The following OVOL1 variants were observed in gnomAD, a reference collection of about 807,000 sequenced individuals.
OVOL1 encodes ovo like transcriptional repressor 1, also known as putative transcription factor Ovo-like 1.
Under a neutral mutation model 21.5 loss-of-function variants are expected in OVOL1, and 10 were observed. The observed-to-expected ratio is 0.46, with a 90% CI of 0.29 to 0.79. The LOEUF (loss-of-function observed/expected upper bound fraction) is 0.79. Ranked by LOEUF, OVOL1 falls within the 30% of genes least tolerant of loss-of-function variation. OVOL1 has a pLI of 0.10. For missense variants in OVOL1, 279 were observed against 362.3 expected (o/e 0.77, Z 1.87); for synonymous variants, 129 against 150.3 (o/e 0.86, Z 1.03).
intron 1 of OVOL1, chr11:65,788,786 C>A: frequency 2.0e-6 from 2 of 985,470 alleles, no homozygotes; most frequent in Non-Finnish European, 2.4e-6. Flanking sequence ...CCCTGGTAAC[C>A]CCAGTGGGGA....
intron 1 of OVOL1, chr11:65,789,475 A>AT (rs1415673818): frequency 1.3e-5 from 2 of 157,802 alleles, no homozygotes; most frequent in Non-Finnish European, 2.7e-5. Flanking sequence ...AGAGAACTTA[A>AT]TTTTACCTCT....
intron 1 of OVOL1, chr11:65,788,893 C>T: frequency 2.0e-6 from 2 of 985,464 alleles, no homozygotes; most frequent in Non-Finnish European, 2.4e-6. Context: ...TGGCCACACT[C>T]CCTGGTGAGC....
Position 65,795,325 on chromosome 11 carries a change from G to C in OVOL1, c.788G>C (p.Gly263Ala). ...AACACTGTCACTTCCCTGCTGCAGG[G>C]CAGCCCCCACCTGTGAGTGGCTCGA... The part of the protein sequence containing the change: ...LQNTVTSLLQ[G>A]SPHL Residue 263 changes from glycine (G) to alanine (A), a missense_variant, in exon 4 of 4, where the codon GGC becomes GCC. Coordinates refer to ENST00000335987, the MANE Select transcript of OVOL1 (RefSeq NM_004561.4). This position sits in a 1 kb window ranked among gnomAD's most constrained non-coding sequence, Gnocchi z 5.7. 1 of 1,603,420 alleles carries C rather than the reference G, an allele frequency of 6.2e-7. No individual in the cohort carries two copies. The highest frequency in any genetic ancestry group is 8.5e-7 in the Non-Finnish European group (1 of 1,176,258).
chr11:65,793,886 C>T (rs1858072465), intron 1 of OVOL1, 145 bp from the exon 2 acceptor site: 7 of 639,952 alleles, frequency 1.1e-5, no homozygotes, highest in South Asian at 1.9e-5. Flanking sequence ...CAGTGGTGGT[C>T]GGGGCAGCCC....
At chr11:65,793,960 G>T in intron 1 of OVOL1, 71 bp from the exon 2 acceptor site, 1 of 1,263,662 alleles carries the variant, frequency 7.9e-7, no homozygotes, top group South Asian at 1.2e-5. Flanking sequence ...CTCATGGCTA[G>T]GGAAGTTTCC....
At chr11:65,790,128 G>A (rs1857985885) in intron 1 of OVOL1, 1 of 146,662 alleles carries the variant, frequency 6.8e-6, no homozygotes, top group Non-Finnish European at 1.5e-5. Flanking sequence ...GGTTCCTTGA[G>A]GATAAACCTA....
At chr11:65,791,965 G>C (rs537244028) in intron 1 of OVOL1, among the ~76,000 whole-genome samples, 1 of 152,246 alleles carries the variant, frequency 6.6e-6, no homozygotes, top group African/African-American at 2.4e-5. Context: ...ACACGCTCAT[G>C]GGGGTGGCAG....
At chr11:65,794,352 G>A (rs1324429553) in intron 2 of OVOL1, 104 bp downstream of exon 2, 6 of 1,208,950 alleles carry the variant, frequency 5.0e-6, no homozygotes, top group Non-Finnish European at 5.9e-6. Flanking sequence ...GACTGACCTG[G>A]GACCTGGGCC....
intron 1 of OVOL1, chr11:65,789,250 C>G (rs603326): frequency 0.33 from 76,295 of 232,398 alleles, 13,235 homozygotes; most frequent in African/African-American, 0.41. Flanking sequence ...GCAGGGGAGA[C>G]GTATGCCCCA....
rs1858133198 is a variant in OVOL1 at position 65,796,376 on chromosome 11, G to C, written c.*1035G>C. 1 of 152,466 alleles carries C rather than the reference G, an allele frequency of 6.6e-6. No homozygotes were observed. Among genetic ancestry groups the C allele is most frequent in the African/African-American group, 2.4e-5 (1 of 41,462 alleles). 9.4% of individuals were successfully genotyped at this position (152,466 alleles called of 1,614,324 possible). ...ACCCGGAGAGCTGGCCTGATGCTGA[G>C]AGTGTGTCCTCCTGGGGCTTTAGGG... On this transcript the variant is annotated 3_prime_UTR_variant, in exon 4 of 4. Transcript: ENST00000335987.
chr11:65,790,801 C>G (rs1858000571), intron 1 of OVOL1: 1 of 152,342 alleles, frequency 6.6e-6, no homozygotes, highest in African/African-American at 2.4e-5. Flanking sequence ...GCTAGGCTGT[C>G]TGTGCTGAGC....
intron 1 of OVOL1, chr11:65,789,131 A>G (rs1420917143): frequency 1.1e-6 from 1 of 887,578 alleles, no homozygotes; most frequent in African/African-American, 1.8e-5. Flanking sequence ...GTAACAGATC[A>G]TGTGTTGATT....
intron 1 of OVOL1, chr11:65,789,957 C>T (rs1011195698): frequency 6.6e-6 from 1 of 152,406 alleles, no homozygotes; most frequent in South Asian, 2.1e-4. Flanking sequence ...GAATCTTTCC[C>T]CTGGGAAGAG....
rs568424650 is a variant in OVOL1 at position 65,793,634 on chromosome 11, G to C, written c.101-397G>C. The C allele has an allele frequency of 5.7e-4, 149 of 262,470 alleles. 1 individual carries two copies. In the South Asian group the frequency reaches 6.4e-3, roughly 11 times the overall value. 16.3% of individuals were successfully genotyped at this position (262,470 alleles called of 1,614,324 possible). Reference sequence around the variant, plus strand: ...AGACCACCAGGGACCCTTCTGATGAGGCTCCAAGAGCTGTCCCTGGGCAGA... The same window carrying C: ...AGACCACCAGGGACCCTTCTGATGACGCTCCAAGAGCTGTCCCTGGGCAGA... On this transcript the variant is annotated intron_variant, in intron 1 of 3. Transcript: ENST00000335987.
intron 2 of OVOL1, 64 bp downstream of exon 2, chr11:65,794,312 G>A: frequency 7.0e-7 from 1 of 1,433,988 alleles, no homozygotes; most frequent in Non-Finnish European, 9.7e-7. Context: ...TCCAGCTCAT[G>A]AGACATGGCA....
intron 1 of OVOL1, among the ~76,000 whole-genome samples, chr11:65,791,176 G>A (rs1368067052): frequency 6.6e-6 from 1 of 152,240 alleles, no homozygotes; most frequent in Admixed American, 6.5e-5. Flanking sequence ...GAAACAGAAG[G>A]CCAAGAGACT....
chr11:65,796,979 C>G lies in OVOL1; in HGVS notation c.*1638C>G, dbSNP rs1046682060. On this transcript the variant is annotated 3_prime_UTR_variant, in exon 4 of 4. Transcript: ENST00000335987. ...GAGGAAGGCTCCTTCCTGGACTGCCCTCTGAAATGTGTATAGATTGATTCT... is the reference window on the plus strand; with the variant it reads ...GAGGAAGGCTCCTTCCTGGACTGCCGTCTGAAATGTGTATAGATTGATTCT... 6.6e-6 allele frequency: 1 copy of G among 152,250 alleles called. No individual in the cohort carries two copies. Among genetic ancestry groups the G allele is most frequent in the African/African-American group, 2.4e-5 (1 of 41,454 alleles). 9.4% of individuals were successfully genotyped at this position (152,250 alleles called of 1,614,324 possible).
Position 65,795,137 on chromosome 11 carries a change from G to T in OVOL1, c.600G>T (p.Gln200His). ...ACCTCAAGAAGATCCATGGTGTGCA[G>T]CAGAAGTACGCGTACAAGGAGCGGC... is the stretch of plus-strand genomic sequence containing the variant. Reference protein sequence around the residue: ...ESHLKKIHGVQQKYAYKERRA... With the variant: ...ESHLKKIHGVHQKYAYKERRA... The change falls in exon 4 of 4, where the codon CAG becomes CAT. Residue 200 changes from glutamine (Q) to histidine (H), a missense_variant. By Grantham distance (24) the Gln-to-His change is conservative (BLOSUM62 0). Transcript: ENST00000335987. This position sits in a 1 kb window ranked among gnomAD's most constrained non-coding sequence, Gnocchi z 5.7. 1 of 1,613,920 alleles carries T rather than the reference G, an allele frequency of 6.2e-7. No individual in the cohort carries two copies. Among genetic ancestry groups the T allele is most frequent in the African/African-American group, 1.3e-5 (1 of 75,044 alleles).
intron 1 of OVOL1, among the ~76,000 whole-genome samples, chr11:65,788,224 C>G (rs1857942388): frequency 1.3e-5 from 2 of 152,240 alleles, no homozygotes; most frequent in Non-Finnish European, 1.5e-5. Flanking sequence ...CAGCGGAGGG[C>G]CAGGCCCGGG....
Sources: allele counts gnomAD v4.1 joint callset (sites outside exome capture counted in the v4.1 genomes callset), GRCh38; gene constraint gnomAD v4.1.1; non-coding constraint Gnocchi (gnomAD v3.1); transcripts MANE v1.5; gene names NCBI Gene and HGNC (gene_info 2026-07-23, HGNC 2026-07-21).